C1orf87: variants seen among roughly 807,000 people sequenced by gnomAD.
The protein encoded by C1orf87 is uncharacterized protein C1orf87.
A neutral mutation model predicts 60.5 loss-of-function variants in C1orf87; 58 were observed. The ratio of observed to expected loss-of-function variants is 0.96; its 90% CI spans 0.78 to 1.19. C1orf87 has a LOEUF of 1.19. C1orf87 is among the 50% of genes most tolerant of loss of function. C1orf87 has a pLI of 0.00. For synonymous variants in C1orf87, 236 were observed against 227.4 expected, an observed-to-expected ratio of 1.04 and a Z score of -0.34; for missense variants, 673 against 638.6, an observed-to-expected ratio of 1.05 and a Z score of -0.58.
At chr1:60,038,164 G>T (rs1645291883) in intron 5 of C1orf87, 57 bp from the exon 6 acceptor site, 1 of 1,098,452 alleles carries the variant, frequency 9.1e-7, no homozygotes, top group Non-Finnish European at 1.3e-6. Context: ...AAGGAAAGAG[G>T]CCTGTTGAGA....
intron 3 of C1orf87, 37 bp from the exon 4 acceptor site, chr1:60,041,168 A>C: frequency 6.8e-7 from 1 of 1,475,300 alleles, no homozygotes; most frequent in South Asian, 1.4e-5. Flanking sequence ...CAAGGAGCAG[A>C]AGAGGAGGTA....
chr1:60,061,407 T>G (rs970696190), intron 2 of C1orf87, among the ~76,000 whole-genome samples: 6 of 152,264 alleles, frequency 3.9e-5, no homozygotes, highest in African/African-American at 1.4e-4. Context: ...ATAACACAGA[T>G]ACCTTTACAG....
intron 5 of C1orf87, 77 bp downstream of exon 5, chr1:60,039,840 T>C (rs1479838305): frequency 2.7e-6 from 4 of 1,465,824 alleles, no homozygotes; most frequent in Admixed American, 4.4e-5. Context: ...GTAGCTAACT[T>C]CTTAGTCTTT....
chr1:59,999,923 T>G (rs1388160910), intron 10 of C1orf87, among the ~76,000 whole-genome samples: 1 of 152,164 alleles, frequency 6.6e-6, no homozygotes, highest in East Asian at 1.9e-4. Flanking sequence ...ATTGTTTATT[T>G]CCTGTGGGAC....
intron 9 of C1orf87, among the ~76,000 whole-genome samples, chr1:60,005,770 C>CGTGGGTGTGTGTGTGT (rs1645040161): frequency 6.9e-6 from 1 of 144,006 alleles, no homozygotes; most frequent in African/African-American, 2.6e-5. Flanking sequence ...GAAGCTGATT[C>CGTGGGTGTGTGTGTGT]GTGTGTGTGT....
rs180812947 is a variant in C1orf87 at position 59,992,334 on chromosome 1, T to C, written c.1481-1501A>G. On this transcript the variant is annotated intron_variant, in intron 11 of 11. Transcript: ENST00000371201. ...ACAGAGGCACGATCATGGCTCACTG[T>C]AGCCTTGATCTCCTGGGCTCAAGGG... Among the ~76,000 whole-genome samples the C allele has an allele frequency of 5.1e-3, 769 of 152,074 alleles. 10 individuals are homozygous for C. The highest frequency in any genetic ancestry group is 0.018 in the African/African-American group (744 of 41,488).
chr1:60,013,358 A>T (rs1645102862), intron 8 of C1orf87, among the ~76,000 whole-genome samples: 1 of 152,032 alleles, frequency 6.6e-6, no homozygotes, highest in Admixed American at 6.6e-5. Context: ...CTTAAATTTG[A>T]CATTACATAT....
intron 2 of C1orf87, among the ~76,000 whole-genome samples, chr1:60,059,928 A>T (rs1387509667): frequency 1.3e-5 from 2 of 152,144 alleles, no homozygotes; most frequent in Non-Finnish European, 2.9e-5. Context: ...AGACAACCAG[A>T]CTTTTCTCTT....
chr1:60,067,840 G>T (rs1416292500), intron 2 of C1orf87, among the ~76,000 whole-genome samples: 1 of 151,764 alleles, frequency 6.6e-6, no homozygotes, highest in South Asian at 2.1e-4. Context: ...TTCTTCCAGG[G>T]TTTTTTTGGT....
Position 60,040,051 on chromosome 1 carries a change from G to C in C1orf87, c.613C>G (p.Leu205Val), listed in dbSNP as rs770325137. The C allele has an allele frequency of 6.2e-7, 1 of 1,614,182 alleles. No individual in the cohort carries two copies. Among genetic ancestry groups the C allele is most frequent in the Non-Finnish European group, 8.5e-7 (1 of 1,180,024 alleles). ...LEKLQKELKI[L>V]DPISSGFLLQ... is the part of the protein sequence containing the mutation. ...AGAAATCCTGAAGAGATTGGGTCCA[G>C]GATCTTCAGCTCTTTCTGAAGCTTT... The change falls in exon 5 of 12, where the codon CTG (leucine) becomes GTG (valine). Residue 205 changes from leucine to valine, a missense_variant. By Grantham distance (32) the Leu-to-Val change is conservative. Coordinates refer to ENST00000371201, the MANE Select transcript of C1orf87 (RefSeq NM_152377.3).
intron 3 of C1orf87, among the ~76,000 whole-genome samples, chr1:60,041,731 G>C (rs967568506): frequency 1.3e-5 from 2 of 152,164 alleles, no homozygotes; most frequent in Non-Finnish European, 2.9e-5. Context: ...TGGCTGGGGG[G>C]ACTGCCCCTC....
chr1:60,051,520 A>G (rs1333460036), intron 3 of C1orf87, among the ~76,000 whole-genome samples: 2 of 152,206 alleles, frequency 1.3e-5, no homozygotes, highest in Non-Finnish European at 2.9e-5. Context: ...GCAGACCTGA[A>G]TCAAATCCAC....
chr1:60,073,514 A>G (rs2100341369), intron 1 of C1orf87, among the ~76,000 whole-genome samples, 176 bp downstream of exon 1: 1 of 152,328 alleles, frequency 6.6e-6, no homozygotes, highest in Non-Finnish European at 1.5e-5. Context: ...GTTCTTCCCA[A>G]AAGTCCAATA....
intron 8 of C1orf87, chr1:60,010,942 C>T (rs545857682): frequency 6.6e-6 from 1 of 152,174 alleles, no homozygotes; most frequent in Admixed American, 6.6e-5. Context: ...TGGCCTCTCA[C>T]CACTGCTTCT....
chr1:60,008,646 A>T (rs763376070), intron 9 of C1orf87: 65 of 452,986 alleles, frequency 1.4e-4, no homozygotes, highest in Non-Finnish European at 8.4e-5. Context: ...TCAAGTATCC[A>T]CCTAGCATCA....
intron 7 of C1orf87, 146 bp from the exon 8 acceptor site, chr1:60,025,644 C>A: frequency 1.6e-6 from 1 of 612,214 alleles, no homozygotes; most frequent in South Asian, 2.5e-5. Flanking sequence ...TACATTCTAC[C>A]ATTGAGGTAT....
At chr1:60,071,376 G>A (rs756188984) in intron 2 of C1orf87, among the ~76,000 whole-genome samples, 1 of 152,122 alleles carries the variant, frequency 6.6e-6, no homozygotes, top group Non-Finnish European at 1.5e-5. Flanking sequence ...TAAGGCCAAA[G>A]ATGTTAATTC....
At position 60,037,137 on chromosome 1, in the gene C1orf87, A is replaced by G. The variant is rs529858999; in HGVS notation, c.863+855T>C. Among the ~76,000 whole-genome samples, 22 of 152,306 alleles carry G rather than the reference A, an allele frequency of 1.4e-4. No homozygotes were observed. The South Asian group carries it at 4.6e-3, about 32-fold the overall frequency. ...CAAGCCAAGTGCTGGTGAAGAGCAAAGTGATTCTGCATCGGGTGAGGTGTT... is the reference window on the plus strand; with the variant it reads ...CAAGCCAAGTGCTGGTGAAGAGCAAGGTGATTCTGCATCGGGTGAGGTGTT... On this transcript the variant is annotated intron_variant, in intron 6 of 11. Transcript: ENST00000371201.
At chr1:60,055,809 T>C (rs1349332180) in intron 2 of C1orf87, among the ~76,000 whole-genome samples, 4 of 152,126 alleles carry the variant, frequency 2.6e-5, no homozygotes, top group Non-Finnish European at 4.4e-5. Context: ...AAACAGTTTG[T>C]CAGCTCCAGT....
Sources: allele counts gnomAD v4.1 joint callset (sites outside exome capture counted in the v4.1 genomes callset), GRCh38; gene constraint gnomAD v4.1.1; transcripts MANE v1.5; gene names NCBI Gene and HGNC (gene_info 2026-07-23, HGNC 2026-07-21).